SLC39A12: variants seen among roughly 807,000 people sequenced by gnomAD.
SLC39A12 encodes solute carrier family 39 member 12, also known as zinc transporter ZIP12.
A neutral mutation model predicts 71.1 loss-of-function variants in SLC39A12; 63 were observed. That is an observed-to-expected ratio of 0.89 (90% CI 0.72 to 1.09). SLC39A12 has a LOEUF of 1.09. SLC39A12 is among the 50% of genes least tolerant of loss of function. The probability of loss-of-function intolerance (pLI) is 0.00; values close to 1 mark genes in which losing one functional copy is unlikely to be tolerated. For missense variants in SLC39A12, 892 were observed against 812.6 expected (o/e 1.10, Z -1.19); for synonymous variants, 351 against 301.3 (o/e 1.16, Z -1.71).
chr10:18,011,950 A>T (rs1836238443), intron 12 of SLC39A12, among the ~76,000 whole-genome samples: 1 of 152,246 alleles, frequency 6.6e-6, no homozygotes, highest in Non-Finnish European at 1.5e-5. Context: ...CCTTGAGAAT[A>T]GCCTCCGGGT....
chr10:18,000,298 G>A (rs1295709212), intron 10 of SLC39A12, among the ~76,000 whole-genome samples: 1 of 152,188 alleles, frequency 6.6e-6, no homozygotes, highest in Non-Finnish European at 1.5e-5. Context: ...TCTATAGCAA[G>A]TTTCTTAAAT....
At chr10:18,010,268 C>T (rs1836172916) in intron 12 of SLC39A12, among the ~76,000 whole-genome samples, 1 of 152,058 alleles carries the variant, frequency 6.6e-6, no homozygotes, top group Non-Finnish European at 1.5e-5. Context: ...TTGGCAATAC[C>T]TAAGTGTAAT....
chr10:18,029,940 T>A (rs1836789635), intron 12 of SLC39A12, among the ~76,000 whole-genome samples: 1 of 151,634 alleles, frequency 6.6e-6, no homozygotes, highest in South Asian at 2.1e-4. Context: ...AAAGCTATAA[T>A]TAGATAGGGT....
chr10:18,037,847 C>T (rs952882369), intron 12 of SLC39A12, among the ~76,000 whole-genome samples: 6 of 151,348 alleles, frequency 4.0e-5, no homozygotes, highest in African/African-American at 1.5e-4. Context: ...TCATGAAACC[C>T]CATCTCTACT....
At chr10:17,961,062 G>C (rs1834675812) in intron 2 of SLC39A12, among the ~76,000 whole-genome samples, 1 of 152,102 alleles carries the variant, frequency 6.6e-6, no homozygotes, top group East Asian at 1.9e-4. Context: ...TCTTTAGGAA[G>C]GTGTTGTGAG....
At chr10:17,968,966 A>T (rs757680871) in intron 4 of SLC39A12, among the ~76,000 whole-genome samples, 5 of 152,022 alleles carry the variant, frequency 3.3e-5, no homozygotes, top group Admixed American at 1.3e-4. Context: ...TCTGGAAACC[A>T]TCCTTCTATT....
chr10:18,041,313 A>G (rs1369810603), intron 12 of SLC39A12, among the ~76,000 whole-genome samples: 1 of 151,828 alleles, frequency 6.6e-6, no homozygotes, highest in African/African-American at 2.4e-5. Flanking sequence ...TGGTCAACAC[A>G]GTGAAACTCT....
intron 5 of SLC39A12, among the ~76,000 whole-genome samples, 197 bp from the exon 6 acceptor site, chr10:17,981,115 A>G (rs1835244226): frequency 6.6e-6 from 1 of 152,204 alleles, no homozygotes; most frequent in South Asian, 2.1e-4. Context: ...GAGGTATTGC[A>G]GGCTTTGGTC....
intron 2 of SLC39A12, among the ~76,000 whole-genome samples, chr10:17,959,109 A>G (rs1834622625): frequency 6.6e-6 from 1 of 151,782 alleles, no homozygotes; most frequent in Non-Finnish European, 1.5e-5. Context: ...TTTTATTTCC[A>G]TTTTTTTATT....
intron 12 of SLC39A12, among the ~76,000 whole-genome samples, chr10:18,030,893 C>A (rs865897215): frequency 6.8e-6 from 1 of 146,738 alleles, no homozygotes; most frequent in African/African-American, 2.5e-5. Flanking sequence ...TGAGAATATG[C>A]GGTGTTTGGT....
intron 12 of SLC39A12, 113 bp from the exon 13 acceptor site, chr10:18,042,592 G>A: frequency 9.4e-7 from 1 of 1,059,854 alleles, no homozygotes; most frequent in Non-Finnish European, 1.3e-6. Context: ...ACTGTTTTGG[G>A]AATTTTAAAG....
At chr10:17,990,328 A>T (rs561040508) in intron 7 of SLC39A12, among the ~76,000 whole-genome samples, 194 of 152,324 alleles carry the variant, frequency 1.3e-3, no homozygotes, top group African/African-American at 4.5e-3. Context: ...ACATATATGT[A>T]TGTACACATA....
intron 4 of SLC39A12, among the ~76,000 whole-genome samples, chr10:17,975,378 G>A (rs1835083623): frequency 6.6e-6 from 1 of 152,212 alleles, no homozygotes; most frequent in Admixed American, 6.5e-5. Flanking sequence ...TCTTCAGTTA[G>A]CAGGTGACAA....
At chr10:18,028,994 A>G (rs942983419) in intron 12 of SLC39A12, among the ~76,000 whole-genome samples, 1 of 151,948 alleles carries the variant, frequency 6.6e-6, no homozygotes, top group South Asian at 2.1e-4. Context: ...TGCTGGGATT[A>G]CAGGCGTGAG....
intron 12 of SLC39A12, among the ~76,000 whole-genome samples, chr10:18,008,361 G>A (rs1328832104): frequency 6.6e-6 from 1 of 152,102 alleles, no homozygotes; most frequent in Non-Finnish European, 1.5e-5. Context: ...CTGATGATTG[G>A]TCACTATCTC....
chr10:18,024,658 G>A (rs1315265734), intron 12 of SLC39A12, among the ~76,000 whole-genome samples: 3 of 152,116 alleles, frequency 2.0e-5, no homozygotes, highest in Non-Finnish European at 2.9e-5. Context: ...CTTCTAGTGA[G>A]CCACCTTGAC....
chr10:17,972,838 A>T (rs934706605), intron 4 of SLC39A12, among the ~76,000 whole-genome samples: 3 of 151,760 alleles, frequency 2.0e-5, no homozygotes, highest in African/African-American at 7.3e-5. Flanking sequence ...TTTCCATTCA[A>T]TATTATTATT....
Position 17,991,064 on chromosome 10 carries a change from A to C in SLC39A12, c.1270-87A>C, listed in dbSNP as rs1835531188. 14 of 1,248,328 alleles carry C rather than the reference A, an allele frequency of 1.1e-5. No homozygotes were observed. The South Asian group carries it at 2.3e-4, about 20-fold the overall frequency. The allele number at this position is 1,248,328 out of a possible 1,614,324, so 77.3% of individuals were successfully genotyped here. A position where few individuals can be genotyped will look rare whatever the true frequency, so the allele number is the denominator to read the frequency against. On this transcript the variant is annotated intron_variant, in intron 7 of 12. Coordinates refer to ENST00000377369, the MANE Select transcript of SLC39A12 (RefSeq NM_001145195.2). ...CCCAGAATGAAAATTAAATATATTC[A>C]ACACTGGGCCTACTATTTAATAGTT... is the stretch of plus-strand genomic sequence containing the variant.
chr10:18,036,763 TATATATATATATATATATA>T (rs1837041599), intron 12 of SLC39A12, among the ~76,000 whole-genome samples: 5 of 8,704 alleles, frequency 5.7e-4, no homozygotes, highest in African/African-American at 1.7e-3. Flanking sequence ...TATATATATA[TATATATATATATATATATA>T]TATATATATA....
Sources: allele counts gnomAD v4.1 joint callset (sites outside exome capture counted in the v4.1 genomes callset), GRCh38; gene constraint gnomAD v4.1.1; transcripts MANE v1.5; gene names NCBI Gene and HGNC (gene_info 2026-07-23, HGNC 2026-07-21).